Variants in CCN6 observed in about 807,000 individuals in gnomAD.
CCN6 encodes the protein cellular communication network factor 6.
A neutral mutation model predicts 37.4 loss-of-function variants in CCN6; 31 were observed. That is an observed-to-expected ratio of 0.83 (90% CI 0.62 to 1.12). CCN6 has a LOEUF of 1.12. Ranked by LOEUF, CCN6 falls within the 50% of genes most tolerant of loss-of-function variation. The pLI, the probability that CCN6 is intolerant of heterozygous loss-of-function variation, is 0.00. For synonymous variants in CCN6, 137 were observed against 142.1 expected (o/e 0.96, Z 0.26); for missense variants, 369 against 413.8 (o/e 0.89, Z 0.94).
In CCN6 at chr6:112,064,868, C is replaced by A. The variant is rs782021802; in HGVS notation, c.460C>A (p.Pro154Thr). 4 of 1,614,142 alleles carry A rather than the reference C, an allele frequency of 2.5e-6. No homozygotes were observed. In the Admixed American group the frequency reaches 6.7e-5, roughly 27 times the overall value. Residue 154 changes from proline (P) to threonine (T), a missense_variant, in exon 3 of 5, where the codon CCT becomes ACT. Physicochemically the swap from Pro to Thr is conservative, Grantham distance 38 (BLOSUM62 -1). Transcript: ENST00000368666. ...LCVSGAIGCT[P>T]LFIPKLAGSH... ...TGTGAGTGGGGCCATTGGATGCACA[C>A]CTCTGTTCATACCAAAGCTGGCTGG...
At chr6:112,053,997 C>T (rs1776272049), upstream of CCN6, 2 of 442,890 alleles carry the variant, frequency 4.5e-6, no homozygotes, top group South Asian at 2.1e-5. Flanking sequence ...GGACCCCACC[C>T]GTTGTCGGGG....
At chr6:112,066,539 G>GA (rs1215315646) in intron 3 of CCN6, among the ~76,000 whole-genome samples, 3 of 152,124 alleles carry the variant, frequency 2.0e-5, no homozygotes, top group Non-Finnish European at 4.4e-5. Context: ...AAAATCTCCT[G>GA]AAGTGTTCTC....
intron 2 of CCN6, 177 bp downstream of exon 2, chr6:112,061,465 G>A (rs1776520468): frequency 4.0e-6 from 3 of 744,898 alleles, no homozygotes; most frequent in Admixed American, 2.3e-5. Flanking sequence ...ATTAGCAGAT[G>A]CTTACACACA....
chr6:112,064,577 C>A (rs1392035290), intron 2 of CCN6, among the ~76,000 whole-genome samples, 178 bp from the exon 3 acceptor site: 3 of 152,106 alleles, frequency 2.0e-5, no homozygotes, highest in African/African-American at 7.2e-5. Context: ...AATAAAAATG[C>A]CTCACTTTAG....
At chr6:112,065,680 A>T (rs1055447826) in intron 3 of CCN6, among the ~76,000 whole-genome samples, 2 of 151,938 alleles carry the variant, frequency 1.3e-5, no homozygotes, top group Admixed American at 6.6e-5. Flanking sequence ...ATTTTTAAGT[A>T]GGTTACCCAT....
intron 2 of CCN6, among the ~76,000 whole-genome samples, chr6:112,063,396 C>A (rs1776583877): frequency 6.6e-6 from 1 of 152,146 alleles, no homozygotes; most frequent in South Asian, 2.1e-4. Context: ...TTGGTCTATC[C>A]AAGACCCATT....
chr6:112,063,234 T>A (rs1282128624), intron 2 of CCN6, among the ~76,000 whole-genome samples: 1 of 152,218 alleles, frequency 6.6e-6, no homozygotes, highest in Non-Finnish European at 1.5e-5. Context: ...GGGAGGAATA[T>A]TTTAACAGGC....
At chr6:112,062,438 G>T (rs982713331) in intron 2 of CCN6, among the ~76,000 whole-genome samples, 3 of 152,206 alleles carry the variant, frequency 2.0e-5, no homozygotes, top group Non-Finnish European at 4.4e-5. Flanking sequence ...GCCAAGCACT[G>T]TGGCCAGCAA....
Position 112,064,796 on chromosome 6 carries a change from C to G in CCN6, c.388C>G (p.His130Asp). 1 of 1,614,076 alleles carries G rather than the reference C, an allele frequency of 6.2e-7. No individual in the cohort carries two copies. The highest frequency in any genetic ancestry group is 1.1e-5 in the South Asian group (1 of 91,084). Residue 130 changes from histidine to aspartate, a missense_variant, in exon 3 of 5, where the codon CAT (histidine) becomes GAT (aspartate). Coordinates refer to ENST00000368666, the MANE Select transcript of CCN6 (RefSeq NM_198239.2). ...GTGCGAGTTCAACCAGGTACATTATCATAATGGCCAAGTGTTTCAGCCCAA... is the reference window on the plus strand; with the variant it reads ...GTGCGAGTTCAACCAGGTACATTATGATAATGGCCAAGTGTTTCAGCCCAA... ...VGCEFNQVHY[H>D]NGQVFQPNPL...
At chr6:112,059,640 T>G (rs1554312382) in intron 1 of CCN6, among the ~76,000 whole-genome samples, 1 of 152,152 alleles carries the variant, frequency 6.6e-6, no homozygotes, top group Non-Finnish European at 1.5e-5. Context: ...CCTTCAATGT[T>G]TTAGGTAACA....
chr6:112,067,663 A>G (rs1554314313), intron 3 of CCN6, among the ~76,000 whole-genome samples: 1 of 152,154 alleles, frequency 6.6e-6, no homozygotes, highest in Non-Finnish European at 1.5e-5. Flanking sequence ...AGTTTAGTTC[A>G]GTGTAGTATT....
intron 3 of CCN6, chr6:112,067,033 G>T (rs1273874482): frequency 7.3e-7 from 1 of 1,365,976 alleles, no homozygotes; most frequent in Non-Finnish European, 9.8e-7. Flanking sequence ...TACCTTCCAG[G>T]TATCTTCACG....
upstream of CCN6, among the ~76,000 whole-genome samples, chr6:112,052,828 C>T (rs1478833277): frequency 2.6e-5 from 4 of 152,130 alleles, no homozygotes; most frequent in African/African-American, 9.7e-5. Flanking sequence ...AGTTTAATGA[C>T]TCCTTAGTAA....
chr6:112,060,128 G>A lies in CCN6; in HGVS notation c.49-863G>A, dbSNP rs112711671. 1.7e-3 allele frequency: 2,340 copies of A among 1,344,734 alleles called. 31 individuals carry two copies. The African/African-American group carries it at 0.031, about 18-fold the overall frequency. The allele number at this position is 1,344,734 out of a possible 1,614,324, so 83.3% of individuals were successfully genotyped here. ...GTGGGCAAAGTAATATGGGGAGGGGGGACCACAGGATGCAGGGCCATGGTG... is the reference window on the plus strand; with the variant it reads ...GTGGGCAAAGTAATATGGGGAGGGGAGACCACAGGATGCAGGGCCATGGTG... On this transcript the variant is annotated intron_variant, in intron 1 of 4. Coordinates refer to ENST00000368666, the MANE Select transcript of CCN6 (RefSeq NM_198239.2).
upstream of CCN6, among the ~76,000 whole-genome samples, chr6:112,053,272 C>T (rs1479812857): frequency 6.8e-6 from 1 of 147,754 alleles, no homozygotes; most frequent in African/African-American, 2.5e-5. Flanking sequence ...AAGAGGAGTA[C>T]AAACCTGTCA....
chr6:112,055,560 C>A (rs1554311637), intron 1 of CCN6, among the ~76,000 whole-genome samples: 2 of 151,990 alleles, frequency 1.3e-5, no homozygotes, highest in Non-Finnish European at 2.9e-5. Flanking sequence ...CTGCTATATG[C>A]CAAATACTGT....
rs1230346 is a variant in CCN6 at position 112,061,014 on chromosome 6, T to C, written c.72T>C (p.Thr24=). ...LAQFCCRVQG[T]GPLDTTPEGR... ...AGTTCTGCTGCAGGGTACAGGGCAC[T>C]GGACCATTAGATACAACACCTGAAG... Residue 24 remains threonine, a synonymous_variant, in exon 2 of 5, where the codon ACT becomes ACC. Transcript: ENST00000368666. The C allele has an allele frequency of 8.0e-3, 12,839 of 1,614,114 alleles. 834 individuals carry two copies. In the African/African-American group the frequency reaches 0.15, roughly 18 times the overall value.
chr6:112,059,622 A>G (rs587737865), intron 1 of CCN6, among the ~76,000 whole-genome samples: 1 of 152,352 alleles, frequency 6.6e-6, no homozygotes, highest in Non-Finnish European at 1.5e-5. Context: ...TCACATATGC[A>G]AAAATCCCCT....
intron 1 of CCN6, among the ~76,000 whole-genome samples, chr6:112,059,860 A>G (rs372068964): frequency 6.6e-6 from 1 of 152,262 alleles, no homozygotes; most frequent in Middle Eastern, 3.2e-3. Context: ...TGCAGGTATC[A>G]GAAAGTAAAC....
Sources: gnomAD v4.1 joint callset for allele counts (sites outside exome capture counted in the v4.1 genomes callset) on GRCh38, gnomAD v4.1.1 for gene constraint, MANE v1.5 for transcripts, NCBI Gene and HGNC (gene_info 2026-07-23, HGNC 2026-07-21) for gene names.